NECTIN2: variants seen among roughly 807,000 people sequenced by gnomAD.
NECTIN2 encodes the protein nectin cell adhesion molecule 2.
Under a neutral mutation model 56.9 loss-of-function variants are expected in NECTIN2, and 23 were observed. The observed-to-expected ratio is 0.40, with a 90% CI of 0.29 to 0.57. NECTIN2 has a LOEUF of 0.57. NECTIN2 is among the 20% of genes least tolerant of loss of function. The probability of loss-of-function intolerance (pLI) is 0.38; values close to 1 mark genes in which losing one functional copy is unlikely to be tolerated. For missense variants in NECTIN2, 587 were observed against 718.3 expected (o/e 0.82, Z 2.09); for synonymous variants, 302 against 313.8 (o/e 0.96, Z 0.40).
At chr19:44,873,355 G>A (rs1599921861) in intron 3 of NECTIN2, among the ~76,000 whole-genome samples, 2 of 152,004 alleles carry the variant, frequency 1.3e-5, no homozygotes, top group Admixed American at 6.6e-5. Flanking sequence ...CACACAGGCC[G>A]GGTGCGGTGG....
intron 2 of NECTIN2, among the ~76,000 whole-genome samples, chr19:44,868,520 A>G (rs778651573): frequency 9.4e-5 from 13 of 138,646 alleles, no homozygotes; most frequent in Non-Finnish European, 1.8e-4. Flanking sequence ...TGTCCAGGCT[A>G]GACTCGAACT....
rs549895962 is a variant in NECTIN2 at position 44,869,939 on chromosome 19, C to T, written c.479-1914C>T. On this transcript the variant is annotated intron_variant, in intron 2 of 8. Coordinates refer to ENST00000252483, the MANE Select transcript of NECTIN2 (RefSeq NM_001042724.2). ...CTGCATCCTGGGTGACAGCAAGACT[C>T]TGTCTCAAATTAATAAAAAAAAAAG... 8.0e-4 allele frequency among the ~76,000 whole-genome samples: 122 copies of T among 152,092 alleles called. 1 individual carries two copies. Among genetic ancestry groups the T allele is most frequent in the Admixed American group, 7.5e-3 (114 of 15,234 alleles).
intron 1 of NECTIN2, among the ~76,000 whole-genome samples, chr19:44,847,000 C>A (rs1968843455): frequency 6.6e-6 from 1 of 152,104 alleles, no homozygotes; most frequent in Non-Finnish European, 1.5e-5. Flanking sequence ...CTCTACCCCT[C>A]TCAGGAATGT....
chr19:44,888,092 TC>T lies in NECTIN2; in HGVS notation c.1348-16del. The stretch of plus-strand genomic sequence containing the variant: ...CGTAGGAAGTGATCTTGAGTTCCTG[TC>T]CTCTCTCTACCTCCAGGAAATGCCT... On this transcript the variant is annotated splice_polypyrimidine_tract_variant and intron_variant, in intron 8 of 8. Transcript: ENST00000252483. 1 of 1,605,536 alleles carries T rather than the reference TC, an allele frequency of 6.2e-7. No individual in the cohort carries two copies. The highest frequency in any genetic ancestry group is 8.5e-7 in the Non-Finnish European group (1 of 1,173,528).
At chr19:44,856,103 C>G (rs575211796) in intron 1 of NECTIN2, among the ~76,000 whole-genome samples, 4 of 152,166 alleles carry the variant, frequency 2.6e-5, no homozygotes, top group Non-Finnish European at 5.9e-5. Flanking sequence ...GAGTTCGAGG[C>G]CAGCCTGGCC....
chr19:44,872,834 TATATA>T (rs949243822), intron 3 of NECTIN2, among the ~76,000 whole-genome samples: 2 of 147,684 alleles, frequency 1.4e-5, no homozygotes, highest in Non-Finnish European at 3.0e-5. Context: ...TATTATATAT[TATATA>T]AAATATATAA....
At chr19:44,872,555 A>T (rs1969187999) in intron 3 of NECTIN2, among the ~76,000 whole-genome samples, 1 of 151,770 alleles carries the variant, frequency 6.6e-6, no homozygotes, top group Non-Finnish European at 1.5e-5. Flanking sequence ...ACCAGCAAAG[A>T]GCTGCCCCCA....
In NECTIN2 at chr19:44,874,079, T is replaced by C; in HGVS notation, c.893+46T>C. Reference sequence around the variant, plus strand: ...ACCCTGGGTCTGAGGGAGGCGGGGCTGGGGGCCTGGACTCCTGGATCTAAG... The same window carrying C: ...ACCCTGGGTCTGAGGGAGGCGGGGCCGGGGGCCTGGACTCCTGGATCTAAG... On this transcript the variant is annotated intron_variant, in intron 4 of 8. Transcript: ENST00000252483. This position sits in a 1 kb window ranked among gnomAD's most constrained non-coding sequence, Gnocchi z 6.3. The C allele has an allele frequency of 6.8e-7, 1 of 1,471,540 alleles. No individual in the cohort carries two copies. The highest frequency in any genetic ancestry group is 9.4e-7 in the Non-Finnish European group (1 of 1,060,612). The allele number at this position is 1,471,540 out of a possible 1,614,324, so 91.2% of individuals were successfully genotyped here.
Position 44,846,468 on chromosome 19 carries a change from G to A in NECTIN2, c.-58G>A. The A allele has an allele frequency of 7.1e-7, 1 of 1,408,000 alleles. No homozygotes were observed. The highest frequency in any genetic ancestry group is 9.2e-7 in the Non-Finnish European group (1 of 1,091,506). 87.2% of individuals were successfully genotyped at this position (1,408,000 alleles called of 1,614,324 possible). A position where few individuals can be genotyped will look rare whatever the true frequency, so the allele number is the denominator to read the frequency against. On this transcript the variant is annotated 5_prime_UTR_variant, in exon 1 of 9. Coordinates refer to ENST00000252483, the MANE Select transcript of NECTIN2 (RefSeq NM_001042724.2). ...ACCTACTAAACCGCCCAGCCGATCGGCCCCCACAGAGTGGCCCGCGGGCCT... is the reference window on the plus strand; with the variant it reads ...ACCTACTAAACCGCCCAGCCGATCGACCCCCACAGAGTGGCCCGCGGGCCT...
intron 1 of NECTIN2, among the ~76,000 whole-genome samples, chr19:44,856,699 T>G (rs955932726): frequency 6.6e-6 from 1 of 152,114 alleles, no homozygotes; most frequent in Admixed American, 6.6e-5. Flanking sequence ...TCCCAGCACC[T>G]GGGGAATCTG....
Position 44,886,013 on chromosome 19 carries a change from C to T in NECTIN2, c.1260+13C>T. 1 of 1,596,644 alleles carries T rather than the reference C, an allele frequency of 6.3e-7. No individual in the cohort carries two copies. Among genetic ancestry groups the T allele is most frequent in the East Asian group, 2.2e-5 (1 of 44,786 alleles). On this transcript the variant is annotated intron_variant, in intron 7 of 8. Transcript: ENST00000252483. ...GGCACAGGAGATGGTGAGCACTTTCCCTGGAGCCCAAGCTATCCCCACCTC... is the reference window on the plus strand; with the variant it reads ...GGCACAGGAGATGGTGAGCACTTTCTCTGGAGCCCAAGCTATCCCCACCTC...
Position 44,846,459 on chromosome 19 carries a change from A to T in NECTIN2, c.-67A>T. The T allele has an allele frequency of 7.2e-7, 1 of 1,395,316 alleles. No homozygotes were observed. The highest frequency in any genetic ancestry group is 9.2e-7 in the Non-Finnish European group (1 of 1,084,016). 86.4% of individuals were successfully genotyped at this position (1,395,316 alleles called of 1,614,324 possible). A position where few individuals can be genotyped will look rare whatever the true frequency, so the allele number is the denominator to read the frequency against. ...CCCACAGGCACCTACTAAACCGCCC[A>T]GCCGATCGGCCCCCACAGAGTGGCC... On this transcript the variant is annotated 5_prime_UTR_variant, in exon 1 of 9. Coordinates refer to ENST00000252483, the MANE Select transcript of NECTIN2 (RefSeq NM_001042724.2).
chr19:44,875,326 C>T lies in NECTIN2; in HGVS notation c.1042+848C>T, dbSNP rs536212810. Among the ~76,000 whole-genome samples, 88 of 150,192 alleles carry T rather than the reference C, an allele frequency of 5.9e-4. No individual in the cohort carries two copies. Among genetic ancestry groups the T allele is most frequent in the Non-Finnish European group, 9.4e-4 (64 of 67,784 alleles). On this transcript the variant is annotated intron_variant, in intron 5 of 8. Coordinates refer to ENST00000252483, the MANE Select transcript of NECTIN2 (RefSeq NM_001042724.2). This position sits in a 1 kb window ranked among gnomAD's most constrained non-coding sequence, Gnocchi z 4.2. ...TGTCGCCCAGGCTGAAGTGTAGTGG[C>T]GCAATCTCAGCTCACCGCAACCTCC... is the stretch of plus-strand genomic sequence containing the variant.
intron 5 of NECTIN2, among the ~76,000 whole-genome samples, chr19:44,881,587 T>G (rs1599926875): frequency 2.1e-5 from 3 of 144,216 alleles, no homozygotes; most frequent in African/African-American, 5.2e-5. Context: ...CTCCGGAGGG[T>G]GAGGTGGGAG....
chr19:44,874,397 A>G lies in NECTIN2; in HGVS notation c.961A>G (p.Ser321Gly), dbSNP rs149249308. ...CCAGCTGGTCATCCACGCAGTGGAC[A>G]GTCTGTTCAATACCACCTTCGTCTG... ...GSQLVIHAVDSLFNTTFVCTV... is the reference protein window; with the variant it reads ...GSQLVIHAVDGLFNTTFVCTV... The change falls in exon 5 of 9, where the codon AGT becomes GGT. Residue 321 changes from serine to glycine, a missense_variant. Physicochemically the swap from Ser to Gly is moderately conservative, Grantham distance 56. Transcript: ENST00000252483. The surrounding 1 kb of genome is among the most constrained non-coding windows in gnomAD (Gnocchi z 6.3). 232 of 1,614,104 alleles carry G rather than the reference A, an allele frequency of 1.4e-4. 1 individual carries two copies. In the African/African-American group the frequency reaches 2.8e-3, roughly 19 times the overall value.
chr19:44,883,360 C>T (rs762365707), intron 6 of NECTIN2, among the ~76,000 whole-genome samples: 3 of 151,902 alleles, frequency 2.0e-5, no homozygotes, highest in Admixed American at 6.6e-5. Context: ...CTGCAACCTC[C>T]GCCTCCCTGG....
chr19:44,864,323 A>AAT (rs397824755), intron 1 of NECTIN2, among the ~76,000 whole-genome samples: 1 of 151,310 alleles, frequency 6.6e-6, no homozygotes, highest in East Asian at 1.9e-4. Context: ...GAGAAAAAAA[A>AAT]TGTAGTTGAA....
intron 1 of NECTIN2, among the ~76,000 whole-genome samples, chr19:44,847,111 C>T (rs1259194357): frequency 6.6e-6 from 1 of 152,140 alleles, no homozygotes; most frequent in Non-Finnish European, 1.5e-5. Flanking sequence ...CGTCTGAGGC[C>T]CGGAGAGAAC....
intron 1 of NECTIN2, among the ~76,000 whole-genome samples, chr19:44,861,485 C>G (rs1364970033): frequency 6.6e-6 from 1 of 152,184 alleles, no homozygotes; most frequent in African/African-American, 2.4e-5. Context: ...AGCAGTGCAG[C>G]AAAAGCAAAC....
Sources: gnomAD v4.1 joint callset for allele counts (sites outside exome capture counted in the v4.1 genomes callset) on GRCh38, gnomAD v4.1.1 for gene constraint, Gnocchi (gnomAD v3.1) non-coding constraint, MANE v1.5 for transcripts, NCBI Gene and HGNC (gene_info 2026-07-23, HGNC 2026-07-21) for gene names.